The following UBR3 variants were observed in gnomAD, a reference collection of about 807,000 sequenced individuals.
UBR3 encodes E3 ubiquitin-protein ligase UBR3.
UBR3 carries 85 observed loss-of-function variants against 243.2 expected under a neutral mutation model. That is an observed-to-expected ratio of 0.35 (90% CI 0.29 to 0.42). The LOEUF (loss-of-function observed/expected upper bound fraction) is 0.42, where lower values mean the gene tolerates loss of function less well. Ranked by LOEUF, UBR3 falls within the 10% of genes least tolerant of loss-of-function variation. The probability of loss-of-function intolerance (pLI) is 1.00; values close to 1 mark genes in which losing one functional copy is unlikely to be tolerated. For missense variants in UBR3, 1,686 were observed against 2,300.8 expected (o/e 0.73, Z 5.47); for synonymous variants, 748 against 799.8 (o/e 0.94, Z 1.09).
chr2:170,030,583 T>C lies in UBR3; in HGVS notation c.4556+1135T>C, dbSNP rs937412743. Among the ~76,000 whole-genome samples, 4 of 152,138 alleles carry C rather than the reference T, an allele frequency of 2.6e-5. No individual in the cohort carries two copies. In the South Asian group the frequency reaches 8.3e-4, roughly 31 times the overall value. On this transcript the variant is annotated intron_variant, in intron 31 of 38. Coordinates refer to ENST00000272793, the MANE Select transcript of UBR3 (RefSeq NM_172070.4). ...CATAATTATTTGTATAACTAAAGTA[T>C]AGCCTCGATTATGTTTTTAAAATAC... is the stretch of plus-strand genomic sequence containing the variant.
At chr2:169,918,846 A>G (rs1294623989) in intron 11 of UBR3, among the ~76,000 whole-genome samples, 2 of 152,212 alleles carry the variant, frequency 1.3e-5, no homozygotes, top group African/African-American at 2.4e-5. Context: ...AATGTTTACT[A>G]TGTTGTAAAC....
Position 169,827,609 on chromosome 2 carries a change from C to G in UBR3, c.102C>G (p.His34Gln), listed in dbSNP as rs2081783050. The G allele has an allele frequency of 1.6e-6, 2 of 1,268,362 alleles. No homozygotes were observed. The highest frequency in any genetic ancestry group is 3.6e-5 in the Admixed American group (1 of 27,828). 78.6% of individuals were successfully genotyped at this position (1,268,362 alleles called of 1,614,324 possible). A position where few individuals can be genotyped will look rare whatever the true frequency, so the allele number is the denominator to read the frequency against. The change falls in exon 1 of 39, where the codon CAC (histidine) becomes CAG (glutamine). Residue 34 changes from histidine (H) to glutamine (Q), a missense_variant. Coordinates refer to ENST00000272793, the MANE Select transcript of UBR3 (RefSeq NM_172070.4). ...TAGACAAGGCGGCCACCGCCGCGCACCTCAAGGCGGCCCTCAGCCGGCCGG... is the reference window on the plus strand; with the variant it reads ...TAGACAAGGCGGCCACCGCCGCGCAGCTCAAGGCGGCCCTCAGCCGGCCGG... ...LALDKAATAA[H>Q]LKAALSRPDN...
At chr2:169,967,960 G>A (rs567284027) in intron 24 of UBR3, among the ~76,000 whole-genome samples, 4 of 151,258 alleles carry the variant, frequency 2.6e-5, no homozygotes, top group African/African-American at 9.7e-5. Context: ...ACCTTTCTTA[G>A]GTAACACATA....
intron 24 of UBR3, among the ~76,000 whole-genome samples, chr2:169,963,999 C>T (rs527684876): frequency 3.9e-5 from 6 of 152,130 alleles, no homozygotes; most frequent in Non-Finnish European, 8.8e-5. Context: ...TCTTCTCTTA[C>T]ACAATCACAG....
rs772223276 is a variant in UBR3 at position 169,949,990 on chromosome 2, G to A, written c.3470G>A (p.Cys1157Tyr). The change falls in exon 23 of 39, where the codon TGT becomes TAT. Residue 1157 changes from cysteine (C) to tyrosine (Y), a missense_variant. Cys to Tyr is a radical substitution (Grantham distance 194). Coordinates refer to ENST00000272793, the MANE Select transcript of UBR3 (RefSeq NM_172070.4). ...AACAAACGCATCATTGAAGAGATAT[G>A]TAGAAAAGTGACCCCTCCTGTACCA... is the stretch of plus-strand genomic sequence containing the variant. Reference protein sequence around the residue: ...RMNKRIIEEICRKVTPPVPPK... With the variant: ...RMNKRIIEEIYRKVTPPVPPK... 6 of 1,613,270 alleles carry A rather than the reference G, an allele frequency of 3.7e-6. No individual in the cohort carries two copies. The highest frequency in any genetic ancestry group is 1.3e-5 in the African/African-American group (1 of 74,882).
chr2:169,949,180 A>G, intron 22 of UBR3, among the ~76,000 whole-genome samples: 1 of 152,060 alleles, frequency 6.6e-6, no homozygotes, highest in Non-Finnish European at 1.5e-5. Flanking sequence ...AAATTTTTTT[A>G]AAAACTAATT....
At chr2:169,980,076 G>C (rs1185621382) in intron 24 of UBR3, among the ~76,000 whole-genome samples, 1 of 152,180 alleles carries the variant, frequency 6.6e-6, no homozygotes, top group Non-Finnish European at 1.5e-5. Flanking sequence ...AAAAGAAACT[G>C]TGTATAACCA....
intron 29 of UBR3, among the ~76,000 whole-genome samples, chr2:170,010,162 G>A (rs971473556): frequency 6.6e-6 from 1 of 152,112 alleles, no homozygotes; most frequent in Non-Finnish European, 1.5e-5. Context: ...ATAACATTTA[G>A]TATTTTGTTT....
intron 23 of UBR3, among the ~76,000 whole-genome samples, chr2:169,953,837 T>C (rs2087144525): frequency 6.6e-6 from 1 of 152,178 alleles, no homozygotes; most frequent in African/African-American, 2.4e-5. Flanking sequence ...ATGGCAAAAC[T>C]TACAGATTTA....
chr2:169,829,321 A>G (rs990366185), intron 1 of UBR3, among the ~76,000 whole-genome samples: 1 of 152,024 alleles, frequency 6.6e-6, no homozygotes, highest in African/African-American at 2.4e-5. Context: ...TAGAGGAGGG[A>G]GATGAGGTTT....
chr2:170,007,964 TA>T (rs763609126), intron 28 of UBR3, among the ~76,000 whole-genome samples: 57 of 152,290 alleles, frequency 3.7e-4, no homozygotes, highest in East Asian at 1.9e-3. Context: ...TTTAATCACT[TA>T]AAAATATGCC....
In UBR3 at chr2:169,987,419, A is replaced by C. The variant is rs552366439; in HGVS notation, c.3784+625A>C. On this transcript the variant is annotated intron_variant, in intron 25 of 38. Transcript: ENST00000272793. Reference sequence around the variant, plus strand: ...AAAAAAAAAAAAAAACAAAAAAAAAACAAAAACAATTGTTCTAAAATCTGG... The same window carrying C: ...AAAAAAAAAAAAAAACAAAAAAAAACCAAAAACAATTGTTCTAAAATCTGG... Among the ~76,000 whole-genome samples the C allele has an allele frequency of 2.1e-3, 312 of 150,466 alleles. 2 individuals carry two copies. Among genetic ancestry groups the C allele is most frequent in the South Asian group, 0.015 (74 of 4,778 alleles).
chr2:170,064,574 A>G (rs1013845616), intron 35 of UBR3, among the ~76,000 whole-genome samples: 1 of 151,774 alleles, frequency 6.6e-6, no homozygotes, highest in Admixed American at 6.6e-5. Flanking sequence ...TCTCTATTTG[A>G]TAAGACAGTT....
intron 31 of UBR3, among the ~76,000 whole-genome samples, chr2:170,035,960 C>T (rs2090820507): frequency 6.8e-6 from 1 of 147,006 alleles, no homozygotes. Flanking sequence ...TTTTCAAATT[C>T]CAATTGTTCC....
At chr2:169,944,273 T>C (rs1437303987) in intron 20 of UBR3, among the ~76,000 whole-genome samples, 1 of 152,142 alleles carries the variant, frequency 6.6e-6, no homozygotes, top group Non-Finnish European at 1.5e-5. Context: ...TTTTCAGATA[T>C]GAAATTGAGT....
chr2:169,909,331 G>A (rs1234203823), intron 10 of UBR3, among the ~76,000 whole-genome samples: 1 of 152,160 alleles, frequency 6.6e-6, no homozygotes, highest in Non-Finnish European at 1.5e-5. Flanking sequence ...TTCTGTTCCT[G>A]GAGAAGACTG....
intron 1 of UBR3, among the ~76,000 whole-genome samples, chr2:169,857,627 A>G (rs1248111797): frequency 2.7e-5 from 4 of 150,752 alleles, no homozygotes. Flanking sequence ...GGGTTTCACC[A>G]TGTTGGCTAG....
intron 1 of UBR3, among the ~76,000 whole-genome samples, chr2:169,870,404 C>T (rs1030586345): frequency 1.4e-4 from 22 of 152,134 alleles, no homozygotes; most frequent in African/African-American, 5.1e-4. Flanking sequence ...GCTGGGATTA[C>T]AGGCATGAGC....
At chr2:169,866,876 A>G (rs1444196460) in intron 1 of UBR3, among the ~76,000 whole-genome samples, 1 of 152,170 alleles carries the variant, frequency 6.6e-6, no homozygotes, top group African/African-American at 2.4e-5. Context: ...CTGACCTAAC[A>G]ATTGAAAGAC....
Sources: allele counts gnomAD v4.1 joint callset (sites outside exome capture counted in the v4.1 genomes callset), GRCh38; gene constraint gnomAD v4.1.1; transcripts MANE v1.5; gene names NCBI Gene and HGNC (gene_info 2026-07-23, HGNC 2026-07-21).